Variants in SLC39A10 observed in about 807,000 individuals in gnomAD.
SLC39A10 encodes the protein solute carrier family 39 member 10, also known as zinc transporter ZIP10.
A neutral mutation model predicts 65.1 loss-of-function variants in SLC39A10; 13 were observed. The ratio of observed to expected loss-of-function variants is 0.20; its 90% CI spans 0.13 to 0.32. SLC39A10 has a LOEUF of 0.32. SLC39A10 is among the 10% of genes least tolerant of loss of function. The pLI is 1.00. For missense variants in SLC39A10, 831 were observed against 1,018.4 expected (o/e 0.82, Z 2.50); for synonymous variants, 321 against 342.2 (o/e 0.94, Z 0.68).
intron 9 of SLC39A10, among the ~76,000 whole-genome samples, chr2:195,730,221 G>C (rs1332595015): frequency 6.6e-6 from 1 of 152,038 alleles, no homozygotes; most frequent in African/African-American, 2.4e-5. Context: ...GCATCGCTAA[G>C]TCTGCTAGTC....
chr2:195,676,204 C>CA (rs1452512596), intron 1 of SLC39A10, among the ~76,000 whole-genome samples: 1 of 151,956 alleles, frequency 6.6e-6, no homozygotes, highest in Non-Finnish European at 1.5e-5. Context: ...GCCACCGAGA[C>CA]AGAGTCTTGC....
At chr2:195,700,509 A>G (rs1470737880) in intron 3 of SLC39A10, among the ~76,000 whole-genome samples, 2 of 151,972 alleles carry the variant, frequency 1.3e-5, no homozygotes, top group Non-Finnish European at 2.9e-5. Flanking sequence ...CTCCTTTACA[A>G]CTTCATCGCC....
upstream of SLC39A10, among the ~76,000 whole-genome samples, chr2:195,652,706 C>A (rs145385891): frequency 1.3e-5 from 2 of 152,156 alleles, no homozygotes; most frequent in East Asian, 3.9e-4. Context: ...TCAGTTAATT[C>A]TCTCCTGGAT....
intron 2 of SLC39A10, among the ~76,000 whole-genome samples, chr2:195,620,955 A>G (rs1688336943): frequency 6.6e-6 from 1 of 152,108 alleles, no homozygotes; most frequent in Non-Finnish European, 1.5e-5. Flanking sequence ...TCTCTGCCTG[A>G]CTCTGGTATC....
At chr2:195,646,745 A>G (rs1176799325) in intron 2 of SLC39A10, among the ~76,000 whole-genome samples, 1 of 152,070 alleles carries the variant, frequency 6.6e-6, no homozygotes. Flanking sequence ...TTTGCCTCCT[A>G]TCAGATAAGC....
At chr2:195,725,081 A>T (rs867278415) in intron 8 of SLC39A10, among the ~76,000 whole-genome samples, 67 of 145,942 alleles carry the variant, frequency 4.6e-4, no homozygotes, top group Admixed American at 3.1e-3. Flanking sequence ...ACATGCAATT[A>T]AAAAAAAAGG....
chr2:195,676,796 T>C (rs1334444137), intron 1 of SLC39A10, among the ~76,000 whole-genome samples: 1 of 152,196 alleles, frequency 6.6e-6, no homozygotes, highest in Non-Finnish European at 1.5e-5. Context: ...GCTTATGAAG[T>C]CTCACCAAAA....
At chr2:195,677,885 GC>G (rs1212829987) in intron 1 of SLC39A10, among the ~76,000 whole-genome samples, 5 of 151,890 alleles carry the variant, frequency 3.3e-5, no homozygotes, top group Non-Finnish European at 7.4e-5. Context: ...AAGTAGCTGG[GC>G]TTACAGGCAC....
rs913202375 is a variant in SLC39A10 at position 195,639,868 on chromosome 2, C to G, written c.-12+33635C>G. On this transcript the variant is annotated intron_variant, in intron 2 of 2. Coordinates refer to the SLC39A10 transcript ENST00000458054. Reference sequence around the variant, plus strand: ...GCATAAGCCACAGTGCCCAACTGCTCTTAATACTTACAGATGGAAAATCCA... The same window carrying G: ...GCATAAGCCACAGTGCCCAACTGCTGTTAATACTTACAGATGGAAAATCCA... Among the ~76,000 whole-genome samples, 6 of 152,338 alleles carry G rather than the reference C, an allele frequency of 3.9e-5. No individual in the cohort carries two copies. In the East Asian group the frequency reaches 1.2e-3, roughly 29 times the overall value.
At chr2:195,636,325 TATATC>T (rs1276980579) in intron 2 of SLC39A10, among the ~76,000 whole-genome samples, 1 of 152,274 alleles carries the variant, frequency 6.6e-6, no homozygotes, top group Non-Finnish European at 1.5e-5. Context: ...AAAATATTGT[TATATC>T]ATATGTAATT....
upstream of SLC39A10, among the ~76,000 whole-genome samples, chr2:195,654,494 T>C (rs1487744627): frequency 6.6e-6 from 1 of 152,180 alleles, no homozygotes; most frequent in Non-Finnish European, 1.5e-5. Context: ...CTGGTCACAT[T>C]TGAAATTTTA....
intron 1 of SLC39A10, among the ~76,000 whole-genome samples, chr2:195,662,343 A>G (rs369835296): frequency 1.4e-4 from 21 of 150,468 alleles, no homozygotes; most frequent in African/African-American, 5.2e-4. Context: ...ATCAGGGCTC[A>G]CTGCAGCCCT....
intron 3 of SLC39A10, among the ~76,000 whole-genome samples, chr2:195,686,362 T>C (rs1418443655): frequency 6.6e-6 from 1 of 152,062 alleles, no homozygotes; most frequent in Non-Finnish European, 1.5e-5. Context: ...CTAGATAAAT[T>C]AATTATAATA....
chr2:195,729,685 TA>T (rs1371476382), intron 9 of SLC39A10, among the ~76,000 whole-genome samples: 7 of 152,212 alleles, frequency 4.6e-5, no homozygotes, highest in African/African-American at 1.7e-4. Context: ...TATTAGCCTA[TA>T]AACCTCATAT....
At chr2:195,710,733 A>T (rs1410968530) in intron 5 of SLC39A10, among the ~76,000 whole-genome samples, 1 of 152,254 alleles carries the variant, frequency 6.6e-6, no homozygotes, top group Non-Finnish European at 1.5e-5. Flanking sequence ...AGAGGTGATT[A>T]AGATAGCCTA....
intron 1 of SLC39A10, among the ~76,000 whole-genome samples, chr2:195,673,169 GACTAA>G (rs1689939724): frequency 6.6e-6 from 1 of 152,076 alleles, no homozygotes; most frequent in South Asian, 2.1e-4. Context: ...ACATTCAGTT[GACTAA>G]ACTATTATTT....
chr2:195,632,952 C>T (rs531497073), intron 2 of SLC39A10, among the ~76,000 whole-genome samples: 60 of 152,260 alleles, frequency 3.9e-4, no homozygotes, highest in Middle Eastern at 3.4e-3. Context: ...TCCTTTATAA[C>T]GGGGACTAGA....
rs67651617 is a variant in SLC39A10 at position 195,696,319 on chromosome 2, G to GAAAA, written c.1217-10284_1217-10281dup. On this transcript the variant is annotated intron_variant, in intron 3 of 9. Transcript: ENST00000359634. ...AGGATGTTTTTTATTTTTTATTTCT[G>GAAAA]AAAAAAAAAAAAAAAACCTATCATT... is the stretch of plus-strand genomic sequence containing the variant. Among the ~76,000 whole-genome samples the GAAAA allele has an allele frequency of 8.2e-4, 116 of 140,936 alleles. 1 individual carries two copies. The highest frequency in any genetic ancestry group is 3.7e-3 in the Middle Eastern group (1 of 268). The allele number at this position is 140,936 out of a possible 152,430, so 92.5% of individuals were successfully genotyped here. A position where few individuals can be genotyped will look rare whatever the true frequency, so the allele number is the denominator to read the frequency against.
intron 2 of SLC39A10, among the ~76,000 whole-genome samples, chr2:195,642,618 A>G (rs1688834041): frequency 2.0e-5 from 3 of 152,234 alleles, no homozygotes; most frequent in South Asian, 4.1e-4. Flanking sequence ...TGAGTAGATT[A>G]AACAGTATTT....
Sources: gnomAD v4.1 joint callset for allele counts (sites outside exome capture counted in the v4.1 genomes callset) on GRCh38, gnomAD v4.1.1 for gene constraint, MANE v1.5 for transcripts, NCBI Gene and HGNC (gene_info 2026-07-23, HGNC 2026-07-21) for gene names.